The following DLGAP2 variants were observed in gnomAD, a reference collection of about 807,000 sequenced individuals.
DLGAP2 encodes the protein disks large-associated protein 2.
Under a neutral mutation model 100.3 loss-of-function variants are expected in DLGAP2, and 26 were observed. The observed-to-expected ratio is 0.26, with a 90% CI of 0.19 to 0.36. The LOEUF is 0.36. Ranked by LOEUF, DLGAP2 falls within the 10% of genes least tolerant of loss-of-function variation. DLGAP2 has a pLI of 1.00. For synonymous variants in DLGAP2, 886 were observed against 630.1 expected (o/e 1.41, Z -6.08); for missense variants, 1,858 against 1,453.2 (o/e 1.28, Z -4.53).
At chr8:1,037,564 C>T (rs920328913) in intron 2 of DLGAP2, among the ~76,000 whole-genome samples, 15 of 152,218 alleles carry the variant, frequency 9.9e-5, no homozygotes, top group African/African-American at 3.4e-4. Flanking sequence ...CCCGGCATCA[C>T]CTGCACTTTA....
chr8:1,692,535 C>T (rs1799279679), intron 13 of DLGAP2, among the ~76,000 whole-genome samples: 2 of 152,132 alleles, frequency 1.3e-5, no homozygotes, highest in Admixed American at 1.3e-4. Context: ...AGGCGGGCTG[C>T]AGCAGCGCGG....
intron 3 of DLGAP2, among the ~76,000 whole-genome samples, chr8:1,427,977 G>A (rs1028048538): frequency 6.6e-6 from 1 of 152,136 alleles, no homozygotes; most frequent in African/African-American, 2.4e-5. Context: ...TAGGAAGACA[G>A]CTAAAATGCA....
At chr8:1,693,928 G>A (rs1479333697) in intron 13 of DLGAP2, among the ~76,000 whole-genome samples, 1 of 152,100 alleles carries the variant, frequency 6.6e-6, no homozygotes, top group East Asian at 1.9e-4. Context: ...GAATTGATTC[G>A]GGCCACTGAC....
chr8:1,171,810 A>G (rs1232724136), intron 2 of DLGAP2, among the ~76,000 whole-genome samples: 1 of 152,148 alleles, frequency 6.6e-6, no homozygotes, highest in Non-Finnish European at 1.5e-5. Context: ...TGAATATAAC[A>G]CACTGATGGG....
intron 3 of DLGAP2, among the ~76,000 whole-genome samples, chr8:1,353,186 A>G (rs1199307868): frequency 6.6e-6 from 1 of 152,184 alleles, no homozygotes; most frequent in Non-Finnish European, 1.5e-5. Context: ...GAGGCAGGTA[A>G]GGATGTCCTG....
intron 1 of DLGAP2, among the ~76,000 whole-genome samples, chr8:819,265 A>G (rs948754223): frequency 6.6e-6 from 1 of 152,260 alleles, no homozygotes; most frequent in African/African-American, 2.4e-5. Flanking sequence ...GGATATTTAA[A>G]AAACCCCTCA....
chr8:974,243 G>T lies in DLGAP2; in HGVS notation c.73+66277G>T, dbSNP rs146036484. Among the ~76,000 whole-genome samples the T allele has an allele frequency of 3.1e-3, 471 of 152,264 alleles. 1 individual carries two copies. Among genetic ancestry groups the T allele is most frequent in the Non-Finnish European group, 4.7e-3 (320 of 68,016 alleles). On this transcript the variant is annotated intron_variant, in intron 2 of 14. Transcript: ENST00000637795. ...ATTCAAACTATAGAAAATCAAAGAT[G>T]AAAATGAAATCTTGAAAGAAGCTAC...
At chr8:1,271,409 C>G (rs753163370) in intron 3 of DLGAP2, among the ~76,000 whole-genome samples, 3 of 152,156 alleles carry the variant, frequency 2.0e-5, no homozygotes, top group African/African-American at 7.2e-5. Flanking sequence ...TACTTTTATT[C>G]TGGAGACTTG....
chr8:1,543,849 T>A (rs1389323529), intron 4 of DLGAP2, among the ~76,000 whole-genome samples: 7 of 152,200 alleles, frequency 4.6e-5, no homozygotes, highest in Admixed American at 3.9e-4. Context: ...TTGCTTAATT[T>A]CTTTCAGTAG....
intron 2 of DLGAP2, among the ~76,000 whole-genome samples, chr8:1,190,362 G>A (rs746219389): frequency 6.6e-6 from 1 of 152,144 alleles, no homozygotes; most frequent in Non-Finnish European, 1.5e-5. Context: ...TGTGTTAGTT[G>A]GCAGTTATGT....
chr8:1,427,304 G>A (rs751884447), intron 3 of DLGAP2, among the ~76,000 whole-genome samples: 3 of 152,082 alleles, frequency 2.0e-5, no homozygotes, highest in Non-Finnish European at 2.9e-5. Flanking sequence ...ACAACACAAC[G>A]ACAAATGTAA....
At chr8:1,594,911 C>G (rs1796403242) in intron 6 of DLGAP2, among the ~76,000 whole-genome samples, 1 of 152,216 alleles carries the variant, frequency 6.6e-6, no homozygotes, top group African/African-American at 2.4e-5. Context: ...CTGACTTCTT[C>G]CTGCCACTCA....
chr8:1,361,945 G>T (rs1327995896), intron 3 of DLGAP2, among the ~76,000 whole-genome samples: 2 of 152,194 alleles, frequency 1.3e-5, no homozygotes, highest in African/African-American at 2.4e-5. Flanking sequence ...CCTGGGAAGA[G>T]GTGGACACCT....
chr8:856,261 T>G (rs1160973331), intron 1 of DLGAP2, among the ~76,000 whole-genome samples: 1 of 149,060 alleles, frequency 6.7e-6, no homozygotes, highest in African/African-American at 2.5e-5. Flanking sequence ...CAATCTCAGC[T>G]CGCTACAACC....
intron 2 of DLGAP2, among the ~76,000 whole-genome samples, chr8:1,197,927 C>A (rs1376958835): frequency 6.6e-6 from 1 of 152,160 alleles, no homozygotes; most frequent in Non-Finnish European, 1.5e-5. Context: ...TGCATCCTCC[C>A]AGAACTGGCC....
intron 1 of DLGAP2, chr8:738,587 G>C (rs1334240973): frequency 6.6e-6 from 1 of 152,196 alleles, no homozygotes; most frequent in African/African-American, 2.4e-5. Context: ...ACGATTGCAG[G>C]AGAAATAATG....
At chr8:1,557,088 T>C (rs1487076922) in intron 5 of DLGAP2, among the ~76,000 whole-genome samples, 1 of 152,114 alleles carries the variant, frequency 6.6e-6, no homozygotes, top group African/African-American at 2.4e-5. Context: ...CTGGGGGATG[T>C]TGAGCAGCAT....
At chr8:1,456,273 G>A (rs529578067) in intron 3 of DLGAP2, among the ~76,000 whole-genome samples, 7 of 152,248 alleles carry the variant, frequency 4.6e-5, no homozygotes, top group Admixed American at 1.3e-4. Flanking sequence ...GCAGCATTGT[G>A]GGTTACAGAA....
chr8:1,589,858 C>T (rs1436710535), intron 6 of DLGAP2, among the ~76,000 whole-genome samples: 1 of 152,170 alleles, frequency 6.6e-6, no homozygotes. Context: ...TCTGAGGTCA[C>T]TTCTGACCCC....
Sources: gnomAD v4.1 joint callset for allele counts (sites outside exome capture counted in the v4.1 genomes callset) on GRCh38, gnomAD v4.1.1 for gene constraint, MANE v1.5 for transcripts, NCBI Gene and HGNC (gene_info 2026-07-23, HGNC 2026-07-21) for gene names.